HSF2BP: variants seen among roughly 807,000 people sequenced by gnomAD.
HSF2BP encodes the protein heat shock transcription factor 2 binding protein, also known as heat shock factor 2-binding protein.
A neutral mutation model predicts 35.0 loss-of-function variants in HSF2BP; 35 were observed. The ratio of observed to expected loss-of-function variants is 1.00; its 90% CI spans 0.76 to 1.32. HSF2BP has a LOEUF of 1.32. Ranked by LOEUF, HSF2BP falls within the 40% of genes most tolerant of loss-of-function variation. The pLI is 0.00. For synonymous variants in HSF2BP, 114 were observed against 117.4 expected (o/e 0.97, Z 0.18); for missense variants, 326 against 321.7 (o/e 1.01, Z -0.10).
chr21:43,591,804 C>T (rs2081928615), intron 8 of HSF2BP, among the ~76,000 whole-genome samples: 1 of 152,156 alleles, frequency 6.6e-6, no homozygotes, highest in Non-Finnish European at 1.5e-5. Flanking sequence ...TCTCATGCTG[C>T]CATCCCACTC....
At chr21:43,631,268 G>A (rs978908685) in intron 5 of HSF2BP, among the ~76,000 whole-genome samples, 25 of 152,034 alleles carry the variant, frequency 1.6e-4, no homozygotes, top group South Asian at 1.0e-3. Context: ...CCTGCCACAC[G>A]TCCCCCTCTT....
At chr21:43,644,683 T>C (rs1163488577) in intron 3 of HSF2BP, among the ~76,000 whole-genome samples, 1 of 152,242 alleles carries the variant, frequency 6.6e-6, no homozygotes, top group Non-Finnish European at 1.5e-5. Flanking sequence ...CAAGAAAACA[T>C]GTTATTTAAA....
chr21:43,621,732 A>G (rs1411949599), intron 6 of HSF2BP, among the ~76,000 whole-genome samples: 1 of 152,180 alleles, frequency 6.6e-6, no homozygotes, highest in African/African-American at 2.4e-5. Flanking sequence ...AAGAAATGCT[A>G]AAGGAAGTTC....
intron 4 of HSF2BP, among the ~76,000 whole-genome samples, chr21:43,634,214 A>G (rs900816079): frequency 1.3e-5 from 2 of 152,100 alleles, no homozygotes; most frequent in Non-Finnish European, 2.9e-5. Flanking sequence ...GCAAGTCTCC[A>G]CCATGGCACT....
intron 7 of HSF2BP, among the ~76,000 whole-genome samples, chr21:43,599,112 T>C (rs1216538662): frequency 2.0e-5 from 3 of 152,250 alleles, no homozygotes; most frequent in African/African-American, 4.8e-5. Flanking sequence ...TCTGAAAAGA[T>C]GGCCAGTTGA....
intron 7 of HSF2BP, among the ~76,000 whole-genome samples, chr21:43,596,886 C>CAA (rs869038891): frequency 0.036 from 1,116 of 30,590 alleles, 27 homozygotes; most frequent in African/African-American, 0.14. Flanking sequence ...GACCCTGTCT[C>CAA]AAAAAAAAAA....
intron 8 of HSF2BP, among the ~76,000 whole-genome samples, chr21:43,574,027 C>T (rs2081609179): frequency 6.6e-6 from 1 of 152,132 alleles, no homozygotes; most frequent in Non-Finnish European, 1.5e-5. Context: ...CTCCATGAGC[C>T]TCTGTGAGTG....
At chr21:43,623,473 A>G (rs1478007140) in intron 6 of HSF2BP, among the ~76,000 whole-genome samples, 1 of 152,222 alleles carries the variant, frequency 6.6e-6, no homozygotes, top group Non-Finnish European at 1.5e-5. Flanking sequence ...TAAATACATG[A>G]AATTAAAACT....
intron 3 of HSF2BP, among the ~76,000 whole-genome samples, chr21:43,646,670 G>A (rs1047845531): frequency 6.6e-6 from 1 of 152,200 alleles, no homozygotes; most frequent in African/African-American, 2.4e-5. Context: ...CCAGACAGCT[G>A]TATGCAACCC....
chr21:43,582,794 T>G (rs1601618095), intron 8 of HSF2BP, among the ~76,000 whole-genome samples: 1 of 11,438 alleles, frequency 8.7e-5, no homozygotes, highest in Non-Finnish European at 1.3e-4. Flanking sequence ...AGATCTGCTG[T>G]GGGGGATGAG....
At chr21:43,636,296 C>T (rs2082558233) in intron 4 of HSF2BP, among the ~76,000 whole-genome samples, 1 of 150,004 alleles carries the variant, frequency 6.7e-6, no homozygotes, top group Non-Finnish European at 1.5e-5. Context: ...AAAAGAGAAT[C>T]ATAAACATAA....
rs538487821 is a variant in HSF2BP at position 43,614,061 on chromosome 21, T to G, written c.575-114A>C. On this transcript the variant is annotated intron_variant, in intron 6 of 8. Transcript: ENST00000291560. ...GACCTAATGAAAACACAGCTGAAAATGAGGCATTTATAAATGAAATTGCTA... is the reference window on the plus strand; with the variant it reads ...GACCTAATGAAAACACAGCTGAAAAGGAGGCATTTATAAATGAAATTGCTA... 6 of 748,924 alleles carry G rather than the reference T, an allele frequency of 8.0e-6. No individual in the cohort carries two copies. The East Asian group carries it at 1.6e-4, about 20-fold the overall frequency. The allele number at this position is 748,924 out of a possible 1,614,324, so 46.4% of individuals were successfully genotyped here.
chr21:43,613,201 T>C (rs538426909), intron 7 of HSF2BP, among the ~76,000 whole-genome samples: 2 of 152,342 alleles, frequency 1.3e-5, no homozygotes, highest in Admixed American at 6.5e-5. Context: ...AATGAGCGAC[T>C]GTGGCTTGAA....
chr21:43,586,067 C>A (rs1238290166), intron 8 of HSF2BP, among the ~76,000 whole-genome samples: 4 of 152,188 alleles, frequency 2.6e-5, no homozygotes, highest in Non-Finnish European at 5.9e-5. Context: ...CGCCTATCTG[C>A]CCTTTTAGCA....
chr21:43,576,949 A>C (rs1213873728), intron 8 of HSF2BP, among the ~76,000 whole-genome samples: 1 of 152,250 alleles, frequency 6.6e-6, no homozygotes, highest in Non-Finnish European at 1.5e-5. Flanking sequence ...CATGTGGTTC[A>C]ACCTAAGCCT....
At chr21:43,588,071 T>C (rs2081878112) in intron 8 of HSF2BP, among the ~76,000 whole-genome samples, 1 of 152,256 alleles carries the variant, frequency 6.6e-6, no homozygotes, top group East Asian at 1.9e-4. Flanking sequence ...TAATGTCAAC[T>C]AAATGTGAGA....
chr21:43,588,089 C>T (rs1283099004), intron 8 of HSF2BP, among the ~76,000 whole-genome samples: 1 of 152,164 alleles, frequency 6.6e-6, no homozygotes, highest in Non-Finnish European at 1.5e-5. Context: ...AGAAGTCATC[C>T]AGTACTGGCC....
intron 8 of HSF2BP, among the ~76,000 whole-genome samples, chr21:43,582,305 C>T (rs2081760873): frequency 8.6e-6 from 1 of 116,882 alleles, no homozygotes. Context: ...TGAAGACCTG[C>T]TGTGGGAGAT....
At chr21:43,639,443 G>A (rs2082607015) in intron 4 of HSF2BP, among the ~76,000 whole-genome samples, 1 of 151,602 alleles carries the variant, frequency 6.6e-6, no homozygotes, top group Non-Finnish European at 1.5e-5. Context: ...GAGCTCAAAC[G>A]CAAAAGTAAA....
Sources: gnomAD v4.1 joint callset for allele counts (sites outside exome capture counted in the v4.1 genomes callset) on GRCh38, gnomAD v4.1.1 for gene constraint, MANE v1.5 for transcripts, NCBI Gene and HGNC (gene_info 2026-07-23, HGNC 2026-07-21) for gene names.